PTPRG: variants seen among roughly 807,000 people sequenced by gnomAD.
PTPRG encodes receptor-type tyrosine-protein phosphatase gamma.
Under a neutral mutation model 165.3 loss-of-function variants are expected in PTPRG, and 102 were observed. The observed-to-expected ratio is 0.62, with a 90% CI of 0.53 to 0.73. The LOEUF is 0.73. Among genes scored for constraint, PTPRG ranks in the 30% least tolerant of loss-of-function variants. The probability of loss-of-function intolerance (pLI) is 0.00; values close to 1 mark genes in which losing one functional copy is unlikely to be tolerated. For synonymous variants in PTPRG, 675 were observed against 669.5 expected, an observed-to-expected ratio of 1.01 and a Z score of -0.13; for missense variants, 1,866 against 1,861.4, an observed-to-expected ratio of 1.00 and a Z score of -0.05.
Position 62,276,974 on chromosome 3 carries a change from G to C in PTPRG, c.3562G>C (p.Glu1188Gln). 6.2e-7 allele frequency: 1 copy of C among 1,612,718 alleles called. No individual in the cohort carries two copies. The highest frequency in any genetic ancestry group is 8.5e-7 in the Non-Finnish European group (1 of 1,179,106). The change falls in exon 25 of 30, where the codon GAG becomes CAG. Residue 1188 changes from glutamate (E) to glutamine (Q), a missense_variant and splice_region_variant. By Grantham distance (29) the Glu-to-Gln change is conservative. This residue lies in a region of PTPRG where 1,452 missense variants were observed against 1,463.0 expected (regional missense o/e 0.99). Transcript: ENST00000474889. ...KNRNSSVVPS[E>Q]RARVGLAPLP... ...TTTTTGTTTTTTCCATATGATAGCT[G>C]AGCGTGCTCGAGTGGGTCTTGCACC...
At chr3:61,966,368 ATCC>A (rs2040272438) in intron 2 of PTPRG, among the ~76,000 whole-genome samples, 1 of 152,178 alleles carries the variant, frequency 6.6e-6, no homozygotes, top group African/African-American at 2.4e-5. Flanking sequence ...TGAGTGAGTT[ATCC>A]TGATGAGTGG....
chr3:61,795,899 G>A (rs1417898784), intron 2 of PTPRG, among the ~76,000 whole-genome samples: 1 of 152,062 alleles, frequency 6.6e-6, no homozygotes, highest in African/African-American at 2.4e-5. Context: ...TGGGTGGATA[G>A]TGCATCACTA....
At position 61,720,426 on chromosome 3, in the gene PTPRG, C is replaced by A. The variant is rs536678500; in HGVS notation, c.86-28452C>A. 2.0e-5 allele frequency among the ~76,000 whole-genome samples: 3 copies of A among 152,228 alleles called. No homozygotes were observed. The East Asian group carries it at 5.8e-4, about 29-fold the overall frequency. ...GGTGTGAGCCACCACTCCCGGCCAA[C>A]GGGAATTTTTAAACTCGTATTTAAT... On this transcript the variant is annotated intron_variant, in intron 1 of 29. Transcript: ENST00000474889.
intron 2 of PTPRG, among the ~76,000 whole-genome samples, chr3:61,755,351 G>A (rs1203068224): frequency 6.6e-6 from 1 of 152,174 alleles, no homozygotes; most frequent in East Asian, 1.9e-4. Flanking sequence ...CCACTGAGGA[G>A]GAATCAGCCT....
chr3:62,260,088 T>A (rs1701648801), intron 16 of PTPRG, among the ~76,000 whole-genome samples: 1 of 152,198 alleles, frequency 6.6e-6, no homozygotes, highest in East Asian at 1.9e-4. Context: ...AACCAGCACC[T>A]GTCAAAGGCC....
chr3:62,258,655 T>G (rs1372013796), intron 16 of PTPRG, among the ~76,000 whole-genome samples: 2 of 152,184 alleles, frequency 1.3e-5, no homozygotes. Flanking sequence ...TGTCTAGAAG[T>G]GTTGCTGTAA....
chr3:61,930,680 T>TA (rs2039336916), intron 2 of PTPRG, among the ~76,000 whole-genome samples: 1 of 152,206 alleles, frequency 6.6e-6, no homozygotes, highest in South Asian at 2.1e-4. Flanking sequence ...TGGCATCCTC[T>TA]ATGGGTGTTC....
intron 1 of PTPRG, among the ~76,000 whole-genome samples, chr3:61,626,981 T>C (rs984064117): frequency 2.0e-5 from 3 of 152,242 alleles, no homozygotes; most frequent in African/African-American, 7.2e-5. Flanking sequence ...TTATATCCAA[T>C]TTATGTATGG....
At chr3:61,869,178 G>C (rs1300136338) in intron 2 of PTPRG, among the ~76,000 whole-genome samples, 1 of 152,200 alleles carries the variant, frequency 6.6e-6, no homozygotes, top group South Asian at 2.1e-4. Context: ...GATTCAAATA[G>C]GGAGCAGCAT....
intron 5 of PTPRG, among the ~76,000 whole-genome samples, chr3:62,081,068 T>A (rs530815500): frequency 2.5e-3 from 383 of 151,738 alleles, no homozygotes; most frequent in Middle Eastern, 6.8e-3. Context: ...CCATCCTGGC[T>A]AACACGGTGA....
chr3:62,020,605 T>C (rs1170060220), intron 4 of PTPRG, among the ~76,000 whole-genome samples: 1 of 152,132 alleles, frequency 6.6e-6, no homozygotes, highest in African/African-American at 2.4e-5. Flanking sequence ...AATGGGAGTC[T>C]TTTCATTGTC....
intron 2 of PTPRG, among the ~76,000 whole-genome samples, chr3:61,908,858 C>A (rs1025825114): frequency 2.7e-4 from 41 of 152,092 alleles, no homozygotes; most frequent in African/African-American, 9.9e-4. Context: ...TCTCCAGTTC[C>A]CGAATTTGTT....
chr3:61,561,726 C>T lies in PTPRG; in HGVS notation c.-562C>T, dbSNP rs1240489447. 6.6e-6 allele frequency: 1 copy of T among 152,624 alleles called. No homozygotes were observed. The highest frequency in any genetic ancestry group is 1.5e-5 in the Non-Finnish European group (1 of 68,428). The allele number at this position is 152,624 out of a possible 1,614,324, so 9.5% of individuals were successfully genotyped here. A position where few individuals can be genotyped will look rare whatever the true frequency, so the allele number is the denominator to read the frequency against. ...TCCTTTGTGTTTTCCTCCGTTTCCT[C>T]CGGCCGTTTCTATTTTGGGGGGCTC... On this transcript the variant is annotated 5_prime_UTR_variant, in exon 1 of 30. Coordinates refer to ENST00000474889, the MANE Select transcript of PTPRG (RefSeq NM_002841.4).
At chr3:61,984,510 C>A (rs914840177) in intron 2 of PTPRG, among the ~76,000 whole-genome samples, 1 of 152,152 alleles carries the variant, frequency 6.6e-6, no homozygotes, top group Non-Finnish European at 1.5e-5. Context: ...TAAGTGCATA[C>A]CAGTAAATCC....
intron 7 of PTPRG, among the ~76,000 whole-genome samples, chr3:62,162,999 C>A (rs1027312098): frequency 6.6e-6 from 1 of 152,144 alleles, no homozygotes; most frequent in Non-Finnish European, 1.5e-5. Flanking sequence ...AGGAAACTTA[C>A]AATCATGGCG....
At chr3:61,937,590 G>A (rs554848574) in intron 2 of PTPRG, among the ~76,000 whole-genome samples, 1 of 152,220 alleles carries the variant, frequency 6.6e-6, no homozygotes, top group Admixed American at 6.5e-5. Context: ...GATGAAGGCA[G>A]CTGAAGCCAT....
chr3:61,856,128 A>G (rs2037099914), intron 2 of PTPRG, among the ~76,000 whole-genome samples: 1 of 152,096 alleles, frequency 6.6e-6, no homozygotes, highest in Admixed American at 6.6e-5. Context: ...CATTAAGACT[A>G]AGGGTCTTTT....
chr3:62,193,244 T>C (rs1189688539), intron 9 of PTPRG, among the ~76,000 whole-genome samples: 1 of 152,198 alleles, frequency 6.6e-6, no homozygotes, highest in Non-Finnish European at 1.5e-5. Flanking sequence ...CAAAGATGAA[T>C]AGATACCGTC....
intron 2 of PTPRG, among the ~76,000 whole-genome samples, chr3:61,881,522 A>C (rs1322773457): frequency 6.6e-6 from 1 of 152,190 alleles, no homozygotes; most frequent in African/African-American, 2.4e-5. Flanking sequence ...TTTCACCGTC[A>C]CTGCATGCAG....
Sources: allele counts gnomAD v4.1 joint callset (sites outside exome capture counted in the v4.1 genomes callset), GRCh38; gene constraint gnomAD v4.1.1; regional missense constraint gnomAD v4.1.1; transcripts MANE v1.5; gene names NCBI Gene and HGNC (gene_info 2026-07-23, HGNC 2026-07-21).